Variants in RBFOX3 observed in about 807,000 individuals in gnomAD.
RBFOX3 encodes RNA binding fox-1 homolog 3.
RBFOX3 carries 17 observed loss-of-function variants against 48.7 expected under a neutral mutation model. The ratio of observed to expected loss-of-function variants is 0.35; its 90% CI spans 0.24 to 0.52. The LOEUF is 0.52. RBFOX3 is among the 20% of genes least tolerant of loss of function. The probability of loss-of-function intolerance (pLI) is 0.94; values close to 1 mark genes in which losing one functional copy is unlikely to be tolerated. For missense variants in RBFOX3, 382 were observed against 497.5 expected, an observed-to-expected ratio of 0.77 and a Z score of 2.21; for synonymous variants, 212 against 209.5, an observed-to-expected ratio of 1.01 and a Z score of -0.10.
At chr17:79,231,393 T>C (rs2061018215) in intron 4 of RBFOX3, among the ~76,000 whole-genome samples, 1 of 152,130 alleles carries the variant, frequency 6.6e-6, no homozygotes, top group Non-Finnish European at 1.5e-5. Flanking sequence ...CAGGAACTTT[T>C]TACTGTTCAT....
intron 2 of RBFOX3, among the ~76,000 whole-genome samples, chr17:79,342,631 G>A (rs962947373): frequency 3.3e-5 from 5 of 152,188 alleles, no homozygotes; most frequent in South Asian, 2.1e-4. Flanking sequence ...GGTCAGAGTC[G>A]AAGGATGACC....
At chr17:79,533,459 T>C (rs892960779) in intron 1 of RBFOX3, among the ~76,000 whole-genome samples, 5 of 152,240 alleles carry the variant, frequency 3.3e-5, no homozygotes, top group African/African-American at 1.2e-4. Context: ...TCTGCACCTG[T>C]CAGGGAGGGG....
intron 1 of RBFOX3, among the ~76,000 whole-genome samples, chr17:79,584,404 A>C (rs1256571602): frequency 4.6e-5 from 7 of 152,244 alleles, no homozygotes; most frequent in African/African-American, 1.4e-4. Flanking sequence ...TACCCAGAGG[A>C]AAATAAGTCA....
chr17:79,627,935 A>C, the RBFOX3 span, among the ~76,000 whole-genome samples: 1 of 146,902 alleles, frequency 6.8e-6, no homozygotes, highest in African/African-American at 2.5e-5. Flanking sequence ...GGTCCCCGTC[A>C]ACCCCCTCAC....
chr17:79,633,335 G>T, the RBFOX3 span, among the ~76,000 whole-genome samples: 1 of 152,254 alleles, frequency 6.6e-6, no homozygotes, highest in Non-Finnish European at 1.5e-5. Flanking sequence ...AGCGGGCAAG[G>T]CCACCACCAA....
chr17:79,402,197 G>T (rs1568186113), intron 2 of RBFOX3, among the ~76,000 whole-genome samples: 2 of 152,240 alleles, frequency 1.3e-5, no homozygotes, highest in Admixed American at 6.5e-5. Context: ...AGGGAGGCAG[G>T]ATCCACTTGG....
chr17:79,489,240 T>TAAAAAAAAAAAAAAAAAAAAAAAA (rs71161671), intron 1 of RBFOX3, among the ~76,000 whole-genome samples: 1 of 126,510 alleles, frequency 7.9e-6, no homozygotes, highest in Non-Finnish European at 1.6e-5. Flanking sequence ...GCCAGAAAGT[T>TAAAAAAAAAAAAAAAAAAAAAAAA]AAAAAAAAAA....
At chr17:79,578,672 GA>G (rs1412287094) in intron 1 of RBFOX3, among the ~76,000 whole-genome samples, 5 of 152,278 alleles carry the variant, frequency 3.3e-5, no homozygotes, top group African/African-American at 1.2e-4. Context: ...GTCTGTGGGA[GA>G]GGAACTCCCT....
At chr17:79,603,407 C>T (rs1051568886) in intron 1 of RBFOX3, among the ~76,000 whole-genome samples, 3 of 152,102 alleles carry the variant, frequency 2.0e-5, no homozygotes, top group African/African-American at 7.2e-5. Flanking sequence ...TGGCCTGACC[C>T]GGGTAACAAC....
intron 4 of RBFOX3, among the ~76,000 whole-genome samples, chr17:79,174,075 C>T (rs1404446710): frequency 6.6e-6 from 1 of 152,068 alleles, no homozygotes; most frequent in African/African-American, 2.4e-5. Flanking sequence ...AGGAAAACGG[C>T]GAGCGTCTCA....
At chr17:79,615,071 A>G (rs2093988859), upstream of RBFOX3, among the ~76,000 whole-genome samples, 2 of 152,088 alleles carry the variant, frequency 1.3e-5, no homozygotes, top group Admixed American at 1.3e-4. Flanking sequence ...AAGAAAAAAA[A>G]AAAATGTTTC....
intron 2 of RBFOX3, among the ~76,000 whole-genome samples, chr17:79,408,451 G>A (rs1050741536): frequency 1.3e-5 from 2 of 152,186 alleles, no homozygotes; most frequent in African/African-American, 4.8e-5. Flanking sequence ...AGCAGGATGG[G>A]GGCCCAGGGC....
intron 2 of RBFOX3, among the ~76,000 whole-genome samples, chr17:79,394,839 G>A (rs1418076706): frequency 6.6e-6 from 1 of 152,188 alleles, no homozygotes; most frequent in Non-Finnish European, 1.5e-5. Flanking sequence ...CGCTACATGA[G>A]TGACCCAGTG....
chr17:79,363,868 C>T lies in RBFOX3; in HGVS notation c.-174-56044G>A, dbSNP rs937549633. On this transcript the variant is annotated intron_variant, in intron 2 of 14. Transcript: ENST00000693108. This position sits in a 1 kb window ranked among gnomAD's most constrained non-coding sequence, Gnocchi z 4.7. ...CACTGCACTGGGATAAAGCAGACGA[C>T]GGGCTCCTGCAGCCCCTAACTCTCC... Among the ~76,000 whole-genome samples, 1 of 152,098 alleles carries T rather than the reference C, an allele frequency of 6.6e-6. No individual in the cohort carries two copies. Among genetic ancestry groups the T allele is most frequent in the Non-Finnish European group, 1.5e-5 (1 of 68,028 alleles).
At chr17:79,245,630 T>A (rs1054254678) in intron 3 of RBFOX3, among the ~76,000 whole-genome samples, 1 of 6,010 alleles carries the variant, frequency 1.7e-4, no homozygotes, top group Admixed American at 1.3e-3. Flanking sequence ...AACATTTGGA[T>A]TTTTTTTTTT....
chr17:79,304,953 C>T (rs1390827018), intron 3 of RBFOX3, among the ~76,000 whole-genome samples: 2 of 152,192 alleles, frequency 1.3e-5, no homozygotes, highest in African/African-American at 4.8e-5. Context: ...CCCTCCCTCC[C>T]ACCGCGTCTC....
At chr17:79,420,128 TACACACACACACAC>T (rs58282867) in intron 2 of RBFOX3, among the ~76,000 whole-genome samples, 11 of 114,368 alleles carry the variant, frequency 9.6e-5, no homozygotes, top group South Asian at 3.0e-4. Flanking sequence ...CTCCGTCTCA[TACACACACACACAC>T]ACACACACAC....
At chr17:79,180,712 C>T (rs765525032) in intron 4 of RBFOX3, among the ~76,000 whole-genome samples, 17 of 152,070 alleles carry the variant, frequency 1.1e-4, no homozygotes, top group Non-Finnish European at 2.1e-4. Context: ...TGTGTGCTCA[C>T]CTAAAAACAT....
chr17:79,167,009 A>G, intron 4 of RBFOX3, among the ~76,000 whole-genome samples: 1 of 152,160 alleles, frequency 6.6e-6, no homozygotes, highest in East Asian at 1.9e-4. Flanking sequence ...ACAAAGGACC[A>G]TGAGGAAATC....
Sources: allele counts gnomAD v4.1 joint callset (sites outside exome capture counted in the v4.1 genomes callset), GRCh38; gene constraint gnomAD v4.1.1; non-coding constraint Gnocchi (gnomAD v3.1); transcripts MANE v1.5; gene names NCBI Gene and HGNC (gene_info 2026-07-23, HGNC 2026-07-21).